TRAM2: variants seen among roughly 807,000 people sequenced by gnomAD.
TRAM2 encodes translocation associated membrane protein 2.
Under a neutral mutation model 51.0 loss-of-function variants are expected in TRAM2, and 12 were observed. The ratio of observed to expected loss-of-function variants is 0.24; its 90% confidence interval spans 0.15 to 0.38. The LOEUF (loss-of-function observed/expected upper bound fraction) is 0.38, where lower values mean the gene tolerates loss of function less well. TRAM2 is among the 10% of genes least tolerant of loss of function. The probability of loss-of-function intolerance (pLI) is 1.00; values close to 1 mark genes in which losing one functional copy is unlikely to be tolerated. For missense variants in TRAM2, 361 were observed against 462.0 expected, an observed-to-expected ratio of 0.78 and a Z score of 2.00; for synonymous variants, 175 against 179.4, an observed-to-expected ratio of 0.98 and a Z score of 0.20.
intron 1 of TRAM2, among the ~76,000 whole-genome samples, chr6:52,570,804 C>A (rs867576633): frequency 4.8e-5 from 4 of 83,436 alleles, no homozygotes; most frequent in African/African-American, 8.2e-5. Context: ...CACCCCCCCC[C>A]CCACACGCAC....
intron 1 of TRAM2, among the ~76,000 whole-genome samples, chr6:52,574,259 C>T (rs1277414957): frequency 6.6e-6 from 1 of 152,148 alleles, no homozygotes; most frequent in Non-Finnish European, 1.5e-5. Context: ...TGTGAAGATG[C>T]CCACATTTGT....
intron 10 of TRAM2, 27 bp downstream of exon 10, chr6:52,504,564 C>G: frequency 6.2e-7 from 1 of 1,613,438 alleles, no homozygotes; most frequent in Non-Finnish European, 8.5e-7. Flanking sequence ...CCTGGCTCCA[C>G]TCTCTGCCAA....
At position 52,564,559 on chromosome 6, in the gene TRAM2, A is replaced by G. The variant is rs1327814205; in HGVS notation, c.120+12237T>C. ...TTGAGCCTCAAGGAACAGCCCAAAC[A>G]TCTCCTTTTTAAAATGAACAGTCCC... On this transcript the variant is annotated intron_variant, in intron 1 of 10. Coordinates refer to ENST00000182527, the MANE Select transcript of TRAM2 (RefSeq NM_012288.4). Among the ~76,000 whole-genome samples the G allele has an allele frequency of 8.6e-5, 13 of 151,700 alleles. 1 individual carries two copies. The highest frequency in any genetic ancestry group is 7.2e-4 in the Admixed American group (11 of 15,222).
At chr6:52,542,269 T>C (rs1767112083) in intron 1 of TRAM2, among the ~76,000 whole-genome samples, 1 of 146,386 alleles carries the variant, frequency 6.8e-6, no homozygotes, top group African/African-American at 2.7e-5. Context: ...TGGGTTTTTT[T>C]TTTTTTTAAA....
intron 1 of TRAM2, among the ~76,000 whole-genome samples, chr6:52,550,541 AT>A (rs1767289403): frequency 6.6e-6 from 1 of 151,984 alleles, no homozygotes; most frequent in Non-Finnish European, 1.5e-5. Context: ...ATGGGACACT[AT>A]TTTTATTTTT....
intron 2 of TRAM2, among the ~76,000 whole-genome samples, chr6:52,526,341 CA>C (rs1242587198): frequency 6.6e-6 from 1 of 152,104 alleles, no homozygotes; most frequent in Admixed American, 6.6e-5. Context: ...TGACATAAAA[CA>C]ATGTAGCAAA....
At chr6:52,575,036 G>A (rs1406978182) in intron 1 of TRAM2, among the ~76,000 whole-genome samples, 4 of 152,216 alleles carry the variant, frequency 2.6e-5, no homozygotes, top group East Asian at 1.9e-4. Context: ...TAGAATGGAG[G>A]ACAGCAAACA....
intron 1 of TRAM2, among the ~76,000 whole-genome samples, chr6:52,545,892 T>G (rs535917437): frequency 4.6e-5 from 7 of 152,024 alleles, no homozygotes; most frequent in African/African-American, 1.7e-4. Flanking sequence ...ACTCAGGAAT[T>G]TTGCTCCAAC....
At chr6:52,555,586 T>A (rs1300300290) in intron 1 of TRAM2, among the ~76,000 whole-genome samples, 1 of 152,188 alleles carries the variant, frequency 6.6e-6, no homozygotes, top group Admixed American at 6.5e-5. Flanking sequence ...CACACCAATA[T>A]GGTATTCTGT....
chr6:52,528,848 G>T (rs1254593843), intron 2 of TRAM2, among the ~76,000 whole-genome samples: 1 of 150,936 alleles, frequency 6.6e-6, no homozygotes, highest in Non-Finnish European at 1.5e-5. Context: ...AAAGCTACCA[G>T]AACTTCTGCT....
At chr6:52,558,775 G>C (rs1581700083) in intron 1 of TRAM2, among the ~76,000 whole-genome samples, 1 of 152,262 alleles carries the variant, frequency 6.6e-6, no homozygotes, top group African/African-American at 2.4e-5. Context: ...CAGAGCAATG[G>C]CAAATACGAT....
intron 1 of TRAM2, among the ~76,000 whole-genome samples, chr6:52,545,878 C>G (rs1767189816): frequency 6.6e-6 from 1 of 152,146 alleles, no homozygotes; most frequent in South Asian, 2.1e-4. Flanking sequence ...GCCCCCACTC[C>G]CACACTCAGG....
Position 52,542,262 on chromosome 6 carries a change from G to GT in TRAM2, c.121-6417dup, listed in dbSNP as rs372948940. On this transcript the variant is annotated intron_variant, in intron 1 of 10. Transcript: ENST00000182527. Reference sequence around the variant, plus strand: ...CAATTGGTGGGGAAGAGATTTTTGGGTTTTTTTTTTTTTTAAAAAAAATAG... The same window carrying GT: ...CAATTGGTGGGGAAGAGATTTTTGGGTTTTTTTTTTTTTTTAAAAAAAATAG... Among the ~76,000 whole-genome samples, 330 of 146,698 alleles carry GT rather than the reference G, an allele frequency of 2.2e-3. No individual in the cohort carries two copies. In the Middle Eastern group the frequency reaches 0.025, roughly 11 times the overall value.
In TRAM2 at chr6:52,502,955, A is replaced by G. The variant is rs536075112; in HGVS notation, c.*242T>C. The G allele has an allele frequency of 5.2e-6, 3 of 580,766 alleles. No homozygotes were observed. The highest frequency in any genetic ancestry group is 2.9e-5 in the East Asian group (1 of 34,566). The allele number at this position is 580,766 out of a possible 1,614,324, so 36.0% of individuals were successfully genotyped here. On this transcript the variant is annotated 3_prime_UTR_variant, in exon 11 of 11. Transcript: ENST00000182527. ...GCCAGCACAGGACAGGAGTGAGGAC[A>G]GGAGGTGGCCTGAGGGGGAGAAAGA...
At chr6:52,555,692 A>G (rs1040391016) in intron 1 of TRAM2, among the ~76,000 whole-genome samples, 8 of 152,178 alleles carry the variant, frequency 5.3e-5, no homozygotes, top group African/African-American at 1.4e-4. Flanking sequence ...GATCTAACCA[A>G]TCCCTTACTG....
chr6:52,571,011 AGGTCTGTTTGTG>A (rs1767671525), intron 1 of TRAM2, among the ~76,000 whole-genome samples: 1 of 152,070 alleles, frequency 6.6e-6, no homozygotes, highest in Non-Finnish European at 1.5e-5. Context: ...TAAAAGATAA[AGGTCTGTTTGTG>A]AGATAAGAAG....
chr6:52,563,850 T>TA (rs1767544383), intron 1 of TRAM2, among the ~76,000 whole-genome samples: 1 of 116,602 alleles, frequency 8.6e-6, no homozygotes, highest in Admixed American at 1.0e-4. Context: ...CAAAAACACT[T>TA]ATTTTTTTTT....
rs1193588589 is a variant in TRAM2 at position 52,501,027 on chromosome 6, G to A, written c.*2170C>T. 1 of 152,212 alleles carries A rather than the reference G, an allele frequency of 6.6e-6. No homozygotes were observed. Among genetic ancestry groups the A allele is most frequent in the African/African-American group, 2.4e-5 (1 of 41,440 alleles). 9.4% of individuals were successfully genotyped at this position (152,212 alleles called of 1,614,324 possible). A position where few individuals can be genotyped will look rare whatever the true frequency, so the allele number is the denominator to read the frequency against. On this transcript the variant is annotated 3_prime_UTR_variant, in exon 11 of 11. Coordinates refer to ENST00000182527, the MANE Select transcript of TRAM2 (RefSeq NM_012288.4). ...CATGCGATTTGCAGTTATTAGGCAA[G>A]GTGGGGGGCCTGAACTCAATTATAG...
intron 1 of TRAM2, among the ~76,000 whole-genome samples, chr6:52,575,706 C>G (rs1166833276): frequency 2.6e-5 from 4 of 152,152 alleles, no homozygotes; most frequent in Non-Finnish European, 4.4e-5. Flanking sequence ...TAAATGATCA[C>G]AGCTTCCTAA....
Sources: gnomAD v4.1 joint callset for allele counts (sites outside exome capture counted in the v4.1 genomes callset) on GRCh38, gnomAD v4.1.1 for gene constraint, MANE v1.5 for transcripts, NCBI Gene and HGNC (gene_info 2026-07-23, HGNC 2026-07-21) for gene names.